PCDHA4: variants seen among roughly 807,000 people sequenced by gnomAD.
PCDHA4 encodes the protein protocadherin alpha 4.
PCDHA4 carries 49 observed loss-of-function variants against 61.4 expected under a neutral mutation model. That is an observed-to-expected ratio of 0.80 (90% CI 0.63 to 1.01). PCDHA4 has a LOEUF of 1.01. Ranked by LOEUF, PCDHA4 falls within the 50% of genes least tolerant of loss-of-function variation. The pLI is 0.00. For missense variants in PCDHA4, 1,254 were observed against 1,235.8 expected (o/e 1.01, Z -0.22); for synonymous variants, 590 against 550.3 (o/e 1.07, Z -1.01).
At chr5:140,975,343 A>G (rs997568363) in intron 1 of PCDHA4, among the ~76,000 whole-genome samples, 1 of 152,224 alleles carries the variant, frequency 6.6e-6, no homozygotes, top group Middle Eastern at 3.2e-3. Context: ...TCCCTTTCTT[A>G]AAGCCAACTG....
chr5:140,843,040 T>C lies in PCDHA4; in HGVS notation c.2385+33468T>C, dbSNP rs2150350832. 22 of 1,595,034 alleles carry C rather than the reference T, an allele frequency of 1.4e-5. 3 individuals are homozygous for C. The highest frequency in any genetic ancestry group is 1.2e-4 in the Admixed American group (7 of 59,274). On this transcript the variant is annotated intron_variant, in intron 1 of 3. Coordinates refer to ENST00000530339, the MANE Select transcript of PCDHA4 (RefSeq NM_018907.4). ...TGCTGGAGCCTCGGGTGGGTGGCACTGGTGGCGCAGCGAGCAAGCTGGTGC... is the reference window on the plus strand; with the variant it reads ...TGCTGGAGCCTCGGGTGGGTGGCACCGGTGGCGCAGCGAGCAAGCTGGTGC...
chr5:140,876,555 G>C (rs782622293), intron 1 of PCDHA4: 1 of 1,614,072 alleles, frequency 6.2e-7, no homozygotes, highest in African/African-American at 1.3e-5. Context: ...CTGTGCAAGA[G>C]GATGCTCAGG....
At chr5:140,881,638 A>G (rs1237929257) in intron 1 of PCDHA4, among the ~76,000 whole-genome samples, 1 of 152,214 alleles carries the variant, frequency 6.6e-6, no homozygotes, top group Non-Finnish European at 1.5e-5. Context: ...TCAGTTACCA[A>G]TATTTTTCAC....
intron 1 of PCDHA4, among the ~76,000 whole-genome samples, chr5:140,895,531 A>T (rs1433375510): frequency 6.6e-6 from 1 of 152,016 alleles, no homozygotes; most frequent in Non-Finnish European, 1.5e-5. Flanking sequence ...TTCGTTTTTC[A>T]ATTGTTGAGT....
intron 3 of PCDHA4, among the ~76,000 whole-genome samples, chr5:140,998,062 C>T (rs2097795439): frequency 6.6e-6 from 1 of 152,176 alleles, no homozygotes; most frequent in African/African-American, 2.4e-5. Flanking sequence ...TCATCATCAA[C>T]AGACTTAGCC....
At chr5:140,838,280 A>ATTTTTTT (rs2150286950) in intron 1 of PCDHA4, among the ~76,000 whole-genome samples, 30 of 139,570 alleles carry the variant, frequency 2.1e-4, no homozygotes, top group African/African-American at 6.5e-4. Context: ...AGCCATGCTA[A>ATTTTTTT]TTTTTTTTTT....
At chr5:140,869,267 A>G in intron 1 of PCDHA4, 1 of 1,613,490 alleles carries the variant, frequency 6.2e-7, no homozygotes, top group South Asian at 1.1e-5. Flanking sequence ...CTGGGGCTGG[A>G]GCTGGCGGAG....
chr5:140,859,907 T>G (rs982789282), intron 1 of PCDHA4: 3 of 150,386 alleles, frequency 2.0e-5, no homozygotes, highest in African/African-American at 5.0e-5. Context: ...CCTTAATGTC[T>G]TATATTATAA....
At chr5:140,856,761 C>T (rs377564040) in intron 1 of PCDHA4, 2 of 1,596,598 alleles carry the variant, frequency 1.3e-6, no homozygotes, top group Non-Finnish European at 1.7e-6. Context: ...AATGATAACG[C>T]CCCTATCTTT....
At chr5:140,829,374 G>T in intron 1 of PCDHA4, 1 of 1,614,224 alleles carries the variant, frequency 6.2e-7, no homozygotes, top group East Asian at 2.2e-5. Context: ...GTAACCGCGC[G>T]GGACGGGGGC....
chr5:140,979,147 C>A (rs2096836802), intron 2 of PCDHA4, 140 bp downstream of exon 2: 2 of 1,442,248 alleles, frequency 1.4e-6, no homozygotes, highest in African/African-American at 2.9e-5. Flanking sequence ...ATTATTTTGT[C>A]CCCATGTTTA....
intron 1 of PCDHA4, among the ~76,000 whole-genome samples, chr5:140,885,916 T>C (rs2060771663): frequency 1.3e-5 from 2 of 152,202 alleles, no homozygotes; most frequent in Admixed American, 1.3e-4. Flanking sequence ...CTTATAGATA[T>C]TAACTGTTTA....
chr5:141,007,728 G>A (rs2098342783), intron 3 of PCDHA4, among the ~76,000 whole-genome samples: 1 of 152,096 alleles, frequency 6.6e-6, no homozygotes, highest in Non-Finnish European at 1.5e-5. Context: ...GAGAACAAAG[G>A]TTAACCACTG....
rs2150498276 is a variant in PCDHA4, at chr5:140,850,785, A to C, written c.2385+41213A>C. The C allele has an allele frequency of 0.62, 994,993 of 1,596,634 alleles. 342,814 individuals carry two copies. Among genetic ancestry groups the C allele is most frequent in the African/African-American group, 0.72 (53,321 of 73,960 alleles). Reference sequence around the variant, plus strand: ...GCAGAGGGTGTGCTCTGGCGAGGGTAAGCAGAAGACCGACCTCATGGCCTT... The same window carrying C: ...GCAGAGGGTGTGCTCTGGCGAGGGTCAGCAGAAGACCGACCTCATGGCCTT... On this transcript the variant is annotated intron_variant, in intron 1 of 3. Coordinates refer to ENST00000530339, the MANE Select transcript of PCDHA4 (RefSeq NM_018907.4).
intron 1 of PCDHA4, chr5:140,877,503 G>A (rs1056644080): frequency 3.6e-5 from 58 of 1,613,716 alleles, no homozygotes; most frequent in Non-Finnish European, 4.8e-5. Context: ...AGGCCCCAAA[G>A]ACGTCGTCGC....
intron 1 of PCDHA4, among the ~76,000 whole-genome samples, chr5:140,887,546 T>C (rs1554183101): frequency 1.3e-5 from 2 of 152,114 alleles, no homozygotes; most frequent in Non-Finnish European, 2.9e-5. Flanking sequence ...CCACCCCTCA[T>C]GGTTACTGTT....
At chr5:140,969,968 G>A (rs935403265) in intron 1 of PCDHA4, among the ~76,000 whole-genome samples, 2 of 152,200 alleles carry the variant, frequency 1.3e-5, no homozygotes, top group Non-Finnish European at 2.9e-5. Flanking sequence ...GCTGTATGAT[G>A]TGGCAACTCT....
At chr5:140,883,630 G>T (rs1424400219) in intron 1 of PCDHA4, 8 of 1,613,966 alleles carry the variant, frequency 5.0e-6, no homozygotes, top group Non-Finnish European at 6.8e-6. Context: ...ACGCGCCGGC[G>T]TTCGCGCAGC....
intron 1 of PCDHA4, chr5:140,853,754 A>G: frequency 1.0e-6 from 1 of 988,728 alleles, no homozygotes; most frequent in Non-Finnish European, 1.2e-6. Context: ...TCAAGGCTCC[A>G]CCTCAGAAAT....
Sources: allele counts gnomAD v4.1 joint callset (sites outside exome capture counted in the v4.1 genomes callset), GRCh38; gene constraint gnomAD v4.1.1; transcripts MANE v1.5; gene names NCBI Gene and HGNC (gene_info 2026-07-23, HGNC 2026-07-21).